Variants in PTPRT observed in about 807,000 individuals in gnomAD.
PTPRT encodes the protein receptor-type tyrosine-protein phosphatase T.
Under a neutral mutation model 176.8 loss-of-function variants are expected in PTPRT, and 56 were observed. That is an observed-to-expected ratio of 0.32 (90% CI 0.26 to 0.40). The LOEUF (loss-of-function observed/expected upper bound fraction) is 0.40. Ranked by LOEUF, PTPRT falls within the 10% of genes least tolerant of loss-of-function variation. The probability of loss-of-function intolerance (pLI) is 1.00; values close to 1 mark genes in which losing one functional copy is unlikely to be tolerated. For synonymous variants in PTPRT, 783 were observed against 739.0 expected (o/e 1.06, Z -0.96); for missense variants, 1,540 against 1,908.2 (o/e 0.81, Z 3.60).
intron 13 of PTPRT, among the ~76,000 whole-genome samples, 178 bp downstream of exon 13, chr20:42,282,311 G>T (rs41308707): frequency 2.0e-5 from 3 of 151,694 alleles, no homozygotes; most frequent in Non-Finnish European, 4.4e-5. Context: ...TCTATTTTAC[G>T]CACTGTGCTA....
chr20:42,729,109 A>C (rs2076422780), intron 6 of PTPRT, among the ~76,000 whole-genome samples: 1 of 152,168 alleles, frequency 6.6e-6, no homozygotes, highest in African/African-American at 2.4e-5. Flanking sequence ...ACAACAACAA[A>C]AAACACTTCA....
At chr20:42,064,695 C>A in the PTPRT span, among the ~76,000 whole-genome samples, 1 of 152,190 alleles carries the variant, frequency 6.6e-6, no homozygotes, top group African/African-American at 2.4e-5. Flanking sequence ...TAGACATATA[C>A]CAAAGATTGA....
At chr20:42,500,699 T>C (rs1228237288) in intron 7 of PTPRT, among the ~76,000 whole-genome samples, 13 of 152,290 alleles carry the variant, frequency 8.5e-5, no homozygotes, top group African/African-American at 3.1e-4. Context: ...ATATTTATCA[T>C]TTATTATGAT....
rs147004366 is a variant in PTPRT, at chr20:42,172,183, A to G, written c.2492-10641T>C. Among the ~76,000 whole-genome samples, 768 of 152,290 alleles carry G rather than the reference A, an allele frequency of 5.0e-3. 6 individuals carry two copies. Among genetic ancestry groups the G allele is most frequent in the African/African-American group, 0.018 (743 of 41,562 alleles). ...ATTCAACTTCTTGAGATAAAAAAACATAGTCATTGAAAATAGAAAGAAAGT... is the reference window on the plus strand; with the variant it reads ...ATTCAACTTCTTGAGATAAAAAAACGTAGTCATTGAAAATAGAAAGAAAGT... On this transcript the variant is annotated intron_variant, in intron 16 of 30. Coordinates refer to ENST00000373187, the MANE Select transcript of PTPRT (RefSeq NM_007050.6).
intron 1 of PTPRT, among the ~76,000 whole-genome samples, chr20:42,931,319 G>T (rs1160913858): frequency 6.6e-6 from 1 of 152,200 alleles, no homozygotes; most frequent in African/African-American, 2.4e-5. Context: ...CACACACTTA[G>T]GAAATGCCAG....
chr20:42,240,947 T>G (rs762282684), intron 14 of PTPRT, among the ~76,000 whole-genome samples: 1 of 152,238 alleles, frequency 6.6e-6, no homozygotes, highest in Non-Finnish European at 1.5e-5. Context: ...ATGTGTCAGG[T>G]ACTGTTTTAA....
intron 7 of PTPRT, among the ~76,000 whole-genome samples, chr20:42,575,673 C>T (rs938476531): frequency 6.6e-5 from 10 of 152,124 alleles, no homozygotes; most frequent in African/African-American, 2.4e-4. Context: ...GTGAATGTTC[C>T]GAGAAAACTT....
chr20:43,056,636 A>G (rs1025563996), intron 1 of PTPRT, among the ~76,000 whole-genome samples: 2 of 152,254 alleles, frequency 1.3e-5, no homozygotes, highest in Non-Finnish European at 2.9e-5. Flanking sequence ...AGCACCTGCT[A>G]TTAACCTAAC....
At chr20:42,447,042 G>C (rs2070746242) in intron 9 of PTPRT, among the ~76,000 whole-genome samples, 1 of 152,176 alleles carries the variant, frequency 6.6e-6, no homozygotes, top group Non-Finnish European at 1.5e-5. Flanking sequence ...ACTCTCTAGA[G>C]AGGTTATCGG....
At chr20:42,777,173 C>G (rs1264618804) in intron 4 of PTPRT, among the ~76,000 whole-genome samples, 3 of 151,280 alleles carry the variant, frequency 2.0e-5, no homozygotes, top group African/African-American at 7.3e-5. Context: ...TGACCCTTCT[C>G]CAGCAGCACT....
At chr20:42,842,327 G>A (rs1231330677) in intron 2 of PTPRT, among the ~76,000 whole-genome samples, 1 of 152,238 alleles carries the variant, frequency 6.6e-6, no homozygotes, top group Non-Finnish European at 1.5e-5. Flanking sequence ...AGGGAGCTGA[G>A]TAGCTACACT....
chr20:42,045,665 T>TC, the PTPRT span, among the ~76,000 whole-genome samples: 18 of 151,646 alleles, frequency 1.2e-4, no homozygotes, highest in Non-Finnish European at 1.9e-4. Context: ...CTTTTTTTTT[T>TC]CTTTTAAACA....
chr20:42,201,956 T>C (rs1331713628), intron 15 of PTPRT, among the ~76,000 whole-genome samples: 1 of 150,286 alleles, frequency 6.7e-6, no homozygotes, highest in Non-Finnish European at 1.5e-5. Flanking sequence ...GTTGCGTGTG[T>C]GTGTGTGTGT....
intron 8 of PTPRT, among the ~76,000 whole-genome samples, chr20:42,463,728 C>T (rs977143329): frequency 6.6e-6 from 1 of 152,072 alleles, no homozygotes; most frequent in African/African-American, 2.4e-5. Context: ...TAGCCATGTA[C>T]AATTCAACAG....
intron 13 of PTPRT, among the ~76,000 whole-genome samples, chr20:42,271,192 C>G (rs113436104): frequency 2.0e-5 from 3 of 152,288 alleles, no homozygotes; most frequent in African/African-American, 7.2e-5. Context: ...TCTCTCTTCA[C>G]TACCACTGCC....
intron 16 of PTPRT, among the ~76,000 whole-genome samples, chr20:42,182,530 G>A (rs922567331): frequency 1.4e-4 from 22 of 152,106 alleles, no homozygotes; most frequent in Admixed American, 1.4e-3. Flanking sequence ...AGAAGTGACT[G>A]TTAGTTTGGA....
chr20:42,821,281 C>A (rs1198305869), intron 2 of PTPRT, among the ~76,000 whole-genome samples: 1 of 152,128 alleles, frequency 6.6e-6, no homozygotes, highest in African/African-American at 2.4e-5. Context: ...AAATGTAATC[C>A]ATCACATAAA....
intron 7 of PTPRT, among the ~76,000 whole-genome samples, chr20:42,660,750 T>C (rs974796353): frequency 6.6e-5 from 10 of 152,186 alleles, no homozygotes; most frequent in African/African-American, 2.4e-4. Flanking sequence ...GGGGAGTATA[T>C]AGTCTAATGG....
chr20:42,616,114 A>G (rs1368264917), intron 7 of PTPRT, among the ~76,000 whole-genome samples: 1 of 128,266 alleles, frequency 7.8e-6, no homozygotes, highest in Non-Finnish European at 1.6e-5. Flanking sequence ...TGATTTTTGT[A>G]TAAGGCATAA....
Sources: gnomAD v4.1 joint callset for allele counts (sites outside exome capture counted in the v4.1 genomes callset) on GRCh38, gnomAD v4.1.1 for gene constraint, MANE v1.5 for transcripts, NCBI Gene and HGNC (gene_info 2026-07-23, HGNC 2026-07-21) for gene names.